The following OLA1 variants were observed in gnomAD, a reference collection of about 807,000 sequenced individuals.
OLA1 encodes Obg like ATPase 1.
In OLA1, 14 loss-of-function variants were observed where a neutral mutation model predicts 48.4. The ratio of observed to expected loss-of-function variants is 0.29; its 90% CI spans 0.19 to 0.45. The LOEUF (loss-of-function observed/expected upper bound fraction) is 0.45, where lower values mean the gene tolerates loss of function less well. Ranked by LOEUF, OLA1 falls within the 20% of genes least tolerant of loss-of-function variation. The pLI is 1.00. For synonymous variants in OLA1, 127 were observed against 150.4 expected (o/e 0.84, Z 1.14); for missense variants, 325 against 467.1 (o/e 0.70, Z 2.80).
At chr2:174,147,423 G>A (rs912987807) in intron 4 of OLA1, among the ~76,000 whole-genome samples, 5 of 151,702 alleles carry the variant, frequency 3.3e-5, no homozygotes, top group Admixed American at 2.0e-4. Flanking sequence ...GCGAAACTCC[G>A]TCTCAAAAAA....
intron 7 of OLA1, among the ~76,000 whole-genome samples, chr2:174,091,041 C>T (rs1685101771): frequency 1.3e-5 from 2 of 152,200 alleles, no homozygotes; most frequent in Non-Finnish European, 2.9e-5. Context: ...GAGACTGTGG[C>T]TTTACTCCCT....
intron 4 of OLA1, among the ~76,000 whole-genome samples, chr2:174,165,586 A>C (rs1687142840): frequency 6.6e-6 from 1 of 152,228 alleles, no homozygotes; most frequent in African/African-American, 2.4e-5. Context: ...ACGCCAAAGA[A>C]ATTCTTGTTC....
At chr2:174,203,114 T>C (rs1688027245) in intron 4 of OLA1, among the ~76,000 whole-genome samples, 1 of 151,978 alleles carries the variant, frequency 6.6e-6, no homozygotes, top group Non-Finnish European at 1.5e-5. Context: ...GAAAAAAAAA[T>C]AGTGACGTTT....
At chr2:174,173,532 ATC>A (rs1329237986) in intron 4 of OLA1, among the ~76,000 whole-genome samples, 1 of 150,602 alleles carries the variant, frequency 6.6e-6, no homozygotes, top group Non-Finnish European at 1.5e-5. Context: ...TTCATTTTAA[ATC>A]TGTGATAAAA....
chr2:174,159,080 T>C (rs1165443455), intron 4 of OLA1, among the ~76,000 whole-genome samples: 1 of 152,206 alleles, frequency 6.6e-6, no homozygotes, highest in Admixed American at 6.5e-5. Context: ...CAATTACTCC[T>C]TGACTAATCA....
Position 174,079,019 on chromosome 2 carries a change from T to G in OLA1, c.1038A>C (p.Glu346Asp). 6.2e-7 allele frequency: 1 copy of G among 1,603,314 alleles called. No individual in the cohort carries two copies. Among genetic ancestry groups the G allele is most frequent in the Non-Finnish European group, 8.5e-7 (1 of 1,174,606 alleles). ...CTTTAAAATCTTCGTATTTCATTAC[T>G]TCAGCCATAATGAATCCCTTTTCAA... ...TDFEKGFIMA[E>D]VMKYEDFKEE... Residue 346 changes from glutamate (E) to aspartate (D), a missense_variant, in exon 10 of 11, where the codon GAA becomes GAC. Coordinates refer to ENST00000284719, the MANE Select transcript of OLA1 (RefSeq NM_013341.5).
intron 4 of OLA1, among the ~76,000 whole-genome samples, chr2:174,202,111 A>G (rs1449282375): frequency 1.3e-5 from 2 of 152,228 alleles, no homozygotes; most frequent in East Asian, 1.9e-4. Context: ...TAGGTATGTC[A>G]TGAATGCATA....
chr2:174,232,495 GAGA>G (rs1266964184), intron 2 of OLA1, among the ~76,000 whole-genome samples: 26 of 151,950 alleles, frequency 1.7e-4, no homozygotes, highest in African/African-American at 4.8e-4. Context: ...ACTTCCATCG[GAGA>G]AGAAGGCCTA....
chr2:174,166,832 A>G (rs1440120943), intron 4 of OLA1, among the ~76,000 whole-genome samples: 1 of 152,144 alleles, frequency 6.6e-6, no homozygotes, highest in Non-Finnish European at 1.5e-5. Context: ...TATGGCCCCA[A>G]ATTACCCTGC....
chr2:174,114,308 C>T (rs892382497), intron 7 of OLA1, among the ~76,000 whole-genome samples: 2 of 130,612 alleles, frequency 1.5e-5, no homozygotes, highest in East Asian at 2.5e-4. Context: ...CGCCACTGCA[C>T]TCCAGCCTGG....
intron 4 of OLA1, among the ~76,000 whole-genome samples, chr2:174,196,882 G>A (rs566988339): frequency 2.6e-5 from 4 of 152,122 alleles, no homozygotes; most frequent in African/African-American, 4.8e-5. Context: ...ACCTAAAAAA[G>A]AAGCTGAATC....
intron 2 of OLA1, among the ~76,000 whole-genome samples, chr2:174,237,694 C>T (rs1011185471): frequency 1.3e-5 from 2 of 152,138 alleles, no homozygotes; most frequent in Non-Finnish European, 2.9e-5. Flanking sequence ...CTCTAGGCTG[C>T]AGTAAGCTAT....
rs1553489724 is a variant in OLA1, at chr2:174,211,205, A to ACT, written c.373+11826_373+11827dup. On this transcript the variant is annotated intron_variant, in intron 4 of 10. Coordinates refer to ENST00000284719, the MANE Select transcript of OLA1 (RefSeq NM_013341.5). ...AACACACACACACACACACACACAC[A>ACT]CTCTCTCTCTCTCTCTCTTTCTCTC... is the stretch of plus-strand genomic sequence containing the variant. 6.1e-3 allele frequency among the ~76,000 whole-genome samples: 760 copies of ACT among 124,316 alleles called. 9 individuals are homozygous for ACT. In the Middle Eastern group the frequency reaches 0.07, roughly 11 times the overall value. The allele number at this position is 124,316 out of a possible 152,430, so 81.6% of individuals were successfully genotyped here.
At chr2:174,136,820 T>A (rs528929200) in intron 5 of OLA1, among the ~76,000 whole-genome samples, 1 of 151,678 alleles carries the variant, frequency 6.6e-6, no homozygotes, top group Admixed American at 6.6e-5. Flanking sequence ...TACAGGCACA[T>A]GCTGCCACGC....
intron 5 of OLA1, among the ~76,000 whole-genome samples, chr2:174,137,533 T>C (rs1343668764): frequency 2.6e-5 from 4 of 152,352 alleles, no homozygotes; most frequent in Middle Eastern, 3.4e-3. Context: ...AAGTCCTAGA[T>C]GGCCTCTTCT....
chr2:174,142,076 T>A, intron 4 of OLA1, 76 bp from the exon 5 acceptor site: 1 of 1,263,258 alleles, frequency 7.9e-7, no homozygotes, highest in Non-Finnish European at 1.1e-6. Context: ...GAAAGATTCC[T>A]AGAAGGTTAA....
At chr2:174,174,326 T>C (rs946798776) in intron 4 of OLA1, among the ~76,000 whole-genome samples, 2 of 152,052 alleles carry the variant, frequency 1.3e-5, no homozygotes, top group African/African-American at 4.8e-5. Context: ...CAGGTTTATT[T>C]ATAATGATGG....
rs1218261782 is a variant in OLA1 at position 174,246,758 on chromosome 2, C to G, written c.58G>C (p.Gly20Arg). The G allele has an allele frequency of 5.0e-6, 8 of 1,612,902 alleles. No homozygotes were observed. Among genetic ancestry groups the G allele is most frequent in the Non-Finnish European group, 6.8e-6 (8 of 1,179,300 alleles). ...ACAATACCAATTTTCAGTGAGGTTC[C>G]AAATCTTCCAATGATTGGGGGTGGT... ...IKPPPIIGRFGTSLKIGIVGL... is the reference protein window; with the variant it reads ...IKPPPIIGRFRTSLKIGIVGL... Residue 20 changes from glycine (G) to arginine (R), a missense_variant, in exon 2 of 11, where the codon GGA becomes CGA. Coordinates refer to ENST00000284719, the MANE Select transcript of OLA1 (RefSeq NM_013341.5).
chr2:174,111,280 C>T (rs955117645), intron 7 of OLA1, among the ~76,000 whole-genome samples: 2 of 152,144 alleles, frequency 1.3e-5, no homozygotes, highest in African/African-American at 4.8e-5. Flanking sequence ...CACTAGGATA[C>T]AAACAACATA....
Sources: gnomAD v4.1 joint callset for allele counts (sites outside exome capture counted in the v4.1 genomes callset) on GRCh38, gnomAD v4.1.1 for gene constraint, MANE v1.5 for transcripts, NCBI Gene and HGNC (gene_info 2026-07-23, HGNC 2026-07-21) for gene names.